MIF4GD: variants seen among roughly 807,000 people sequenced by gnomAD.
MIF4GD encodes MIF4G domain-containing protein.
Under a neutral mutation model 26.7 loss-of-function variants are expected in MIF4GD, and 22 were observed. The observed-to-expected ratio is 0.82, with a 90% CI of 0.59 to 1.18. MIF4GD has a LOEUF of 1.18. MIF4GD is among the 50% of genes most tolerant of loss of function. MIF4GD has a pLI of 0.00. For missense variants in MIF4GD, 262 were observed against 279.6 expected (o/e 0.94, Z 0.45); for synonymous variants, 137 against 111.6 (o/e 1.23, Z -1.43).
chr17:75,268,874 G>A (rs776762840), intron 2 of MIF4GD, among the ~76,000 whole-genome samples: 50 of 147,832 alleles, frequency 3.4e-4, no homozygotes, highest in Middle Eastern at 3.8e-3. Context: ...CACGGTGGCG[G>A]GCCCCTGTAA....
In MIF4GD at chr17:75,266,957, A is replaced by G; in HGVS notation, c.452T>C (p.Leu151Ser). 1 of 1,613,694 alleles carries G rather than the reference A, an allele frequency of 6.2e-7. No individual in the cohort carries two copies. Among genetic ancestry groups the G allele is most frequent in the Non-Finnish European group, 8.5e-7 (1 of 1,179,874 alleles). The change falls in exon 6 of 6, where the codon TTG becomes TCG. Residue 151 changes from leucine to serine, a missense_variant. Leu to Ser is a moderately radical substitution (Grantham distance 145). Transcript: ENST00000325102. ...SLSKEEEVDC[L>S]VLQLHRVGEQ... Reference sequence around the variant, plus strand: ...CCCAACCCGGTGCAGCTGCAGCACCAAACAGTCCACCTGCAGGCGACAGTG... The same window carrying G: ...CCCAACCCGGTGCAGCTGCAGCACCGAACAGTCCACCTGCAGGCGACAGTG...
intron 2 of MIF4GD, chr17:75,269,249 C>T: frequency 1.4e-6 from 2 of 1,397,122 alleles, no homozygotes; most frequent in Non-Finnish European, 9.9e-7. Flanking sequence ...TTATACTACA[C>T]ACATGCAAAC....
At position 75,268,157 on chromosome 17, in the gene MIF4GD, C is replaced by T. The variant is rs1322178111; in HGVS notation, c.118G>A (p.Val40Met). Residue 40 changes from valine to methionine, a missense_variant, in exon 3 of 6, where the codon GTG (valine) becomes ATG (methionine). Val to Met is a conservative substitution (Grantham distance 21). Transcript: ENST00000325102. ...GAVDLEKVAN[V>M]IVDHSLQDCV... ...TCCTGCAGAGAATGGTCCACAATCA[C>T]ATTGGCCACTTTCTCCAAGTCCACA... The T allele has an allele frequency of 6.2e-7, 1 of 1,614,132 alleles. No homozygotes were observed. Among genetic ancestry groups the T allele is most frequent in the African/African-American group, 1.3e-5 (1 of 74,944 alleles).
At chr17:75,267,088 C>A in intron 5 of MIF4GD, 121 bp from the exon 6 acceptor site, 1 of 795,554 alleles carries the variant, frequency 1.3e-6, no homozygotes, top group South Asian at 1.6e-5. Flanking sequence ...TCCCTCCTTA[C>A]CATCCAGTGG....
intron 2 of MIF4GD, among the ~76,000 whole-genome samples, chr17:75,269,858 C>T (rs1420533780): frequency 6.6e-6 from 1 of 150,820 alleles, no homozygotes; most frequent in Admixed American, 6.6e-5. Flanking sequence ...GAACTACAGA[C>T]ATGAGCCACT....
Position 75,270,006 on chromosome 17 carries a change from G to T in MIF4GD, c.82+108C>A. 2 of 883,858 alleles carry T rather than the reference G, an allele frequency of 2.3e-6. No homozygotes were observed. Among genetic ancestry groups the T allele is most frequent in the Middle Eastern group, 2.3e-4 (1 of 4,344 alleles). The allele number at this position is 883,858 out of a possible 1,614,324, so 54.8% of individuals were successfully genotyped here. On this transcript the variant is annotated intron_variant, in intron 2 of 5. Transcript: ENST00000325102. The surrounding 1 kb of genome is among the most constrained non-coding windows in gnomAD (Gnocchi z 5.7). Reference sequence around the variant, plus strand: ...TACGTTGCCGACTCCTATCGTCAGAGAATGAGGGGAGGGGTGGAGGCATTC... The same window carrying T: ...TACGTTGCCGACTCCTATCGTCAGATAATGAGGGGAGGGGTGGAGGCATTC...
intron 2 of MIF4GD, 37 bp from the exon 3 acceptor site, chr17:75,268,229 G>T: frequency 6.6e-7 from 1 of 1,504,818 alleles, no homozygotes; most frequent in Non-Finnish European, 9.3e-7. Context: ...TAGAGCTGCT[G>T]CTTTATCACA....
Position 75,266,428 on chromosome 17 carries a change from A to G in MIF4GD, c.*312T>C, listed in dbSNP as rs1367436892. ...ATCCCAAAATATCCCACCAGTGGCT[A>G]TGCTTACCCATTTTACAGATGGGTA... On this transcript the variant is annotated 3_prime_UTR_variant, in exon 6 of 6. Transcript: ENST00000325102. 9.0e-6 allele frequency: 4 copies of G among 446,006 alleles called. No homozygotes were observed. Among genetic ancestry groups the G allele is most frequent in the African/African-American group, 4.0e-5 (2 of 50,544 alleles). The allele number at this position is 446,006 out of a possible 1,614,324, so 27.6% of individuals were successfully genotyped here.
chr17:75,269,971 G>T (rs1309008916), intron 2 of MIF4GD, 143 bp downstream of exon 2: 4 of 710,088 alleles, frequency 5.6e-6, no homozygotes, highest in Non-Finnish European at 9.9e-6. Context: ...TTGTCTTCCA[G>T]TTCAAGAATT....
In MIF4GD at chr17:75,267,751, G is replaced by T; in HGVS notation, c.343C>A (p.Leu115Met). 3 of 1,613,318 alleles carry T rather than the reference G, an allele frequency of 1.9e-6. No homozygotes were observed. Among genetic ancestry groups the T allele is most frequent in the Non-Finnish European group, 2.5e-6 (3 of 1,179,520 alleles). ...VTFICNIFDYLRVNNMPMMAL... is the reference protein window; with the variant it reads ...VTFICNIFDYMRVNNMPMMAL... ...GGTGGCTGCCGGGGCCTCACCCTCA[G>T]GTAGTCAAAGATGTTGCAGATAAAG... The change falls in exon 4 of 6, where the codon CTG (leucine) becomes ATG (methionine). Residue 115 changes from leucine (L) to methionine (M), a missense_variant. Transcript: ENST00000325102.
In MIF4GD at chr17:75,267,116, A is replaced by C; in HGVS notation, c.442-149T>G. ...TCCAGTGGGTACTTCCACATCTTACACAGAAAGAAATGAGTTCCGGGACTT... is the reference window on the plus strand; with the variant it reads ...TCCAGTGGGTACTTCCACATCTTACCCAGAAAGAAATGAGTTCCGGGACTT... On this transcript the variant is annotated intron_variant, in intron 5 of 5. Transcript: ENST00000325102. 3 of 699,418 alleles carry C rather than the reference A, an allele frequency of 4.3e-6. No homozygotes were observed. In the South Asian group the frequency reaches 5.1e-5, roughly 12 times the overall value. 43.3% of individuals were successfully genotyped at this position (699,418 alleles called of 1,614,324 possible). A position where few individuals can be genotyped will look rare whatever the true frequency, so the allele number is the denominator to read the frequency against.
intron 2 of MIF4GD, 115 bp downstream of exon 2, chr17:75,269,999 C>A (rs2145698764): frequency 1.2e-6 from 1 of 839,550 alleles, no homozygotes; most frequent in Non-Finnish European, 2.0e-6. Context: ...CGACTCCTAT[C>A]GTCAGAGAAT....
chr17:75,267,506 T>C, intron 5 of MIF4GD, 32 bp downstream of exon 5: 1 of 1,608,906 alleles, frequency 6.2e-7, no homozygotes, highest in Non-Finnish European at 8.5e-7. Context: ...CCTGCAGCCT[T>C]CTGTGCTTGT....
chr17:75,267,305 T>A, intron 5 of MIF4GD: 1 of 605,264 alleles, frequency 1.7e-6, no homozygotes, highest in Non-Finnish European at 2.9e-6. Flanking sequence ...ATACGTTGGC[T>A]TTCTGACTGA....
chr17:75,266,559 G>C lies in MIF4GD; in HGVS notation c.*181C>G. ...GTGGTGGGTTGTGGTGGGGAAAGGG[G>C]CTCAGGGCAGGACCACGGCATAAGT... is the stretch of plus-strand genomic sequence containing the variant. On this transcript the variant is annotated 3_prime_UTR_variant, in exon 6 of 6. Coordinates refer to ENST00000325102, the MANE Select transcript of MIF4GD (RefSeq NM_001370592.1). The C allele has an allele frequency of 1.5e-6, 1 of 645,170 alleles. No individual in the cohort carries two copies. Among genetic ancestry groups the C allele is most frequent in the African/African-American group, 1.8e-5 (1 of 54,966 alleles). 40.0% of individuals were successfully genotyped at this position (645,170 alleles called of 1,614,324 possible). A position where few individuals can be genotyped will look rare whatever the true frequency, so the allele number is the denominator to read the frequency against.
rs1196433800 is a variant in MIF4GD at position 75,270,292 on chromosome 17, G to A, written c.-50-47C>T. The A allele has an allele frequency of 1.8e-6, 2 of 1,115,224 alleles. No individual in the cohort carries two copies. Among genetic ancestry groups the A allele is most frequent in the Non-Finnish European group, 2.7e-6 (2 of 737,290 alleles). The allele number at this position is 1,115,224 out of a possible 1,614,324, so 69.1% of individuals were successfully genotyped here. ...AGCGGCCTCAGGTGTGGAGCGCAGG[G>A]CGGGTTCCGTCCTGCAGGCCCTGGA... On this transcript the variant is annotated intron_variant, in intron 1 of 5. Coordinates refer to ENST00000325102, the MANE Select transcript of MIF4GD (RefSeq NM_001370592.1). The surrounding 1 kb of genome is among the most constrained non-coding windows in gnomAD (Gnocchi z 5.7).
intron 5 of MIF4GD, 45 bp from the exon 6 acceptor site, chr17:75,267,012 C>T: frequency 6.5e-7 from 1 of 1,538,514 alleles, no homozygotes; most frequent in Non-Finnish European, 8.9e-7. Flanking sequence ...GGGGCAGTGC[C>T]AGCCTCTCAC....
Position 75,271,153 on chromosome 17 carries a change from C to G in MIF4GD, c.-60G>C, listed in dbSNP as rs1047804928. On this transcript the variant is annotated 5_prime_UTR_variant, in exon 1 of 6. Transcript: ENST00000325102. The surrounding 1 kb of genome is among the most constrained non-coding windows in gnomAD (Gnocchi z 4.2). ...GGGAGCCGGGACCCACCTGCCGGGC[C>G]GGTGGCGCGCGCGCGTGCCCGGGGC... 6.7e-6 allele frequency: 1 copy of G among 148,826 alleles called. No individual in the cohort carries two copies. The allele number at this position is 148,826 out of a possible 1,614,324, so 9.2% of individuals were successfully genotyped here. A position where few individuals can be genotyped will look rare whatever the true frequency, so the allele number is the denominator to read the frequency against.
rs151337678 is a variant in MIF4GD, at chr17:75,269,875, AG to A, written c.82+238del. 4.8e-3 allele frequency among the ~76,000 whole-genome samples: 725 copies of A among 151,694 alleles called. 8 individuals carry two copies. Among genetic ancestry groups the A allele is most frequent in the African/African-American group, 0.016 (671 of 41,314 alleles). On this transcript the variant is annotated intron_variant, in intron 2 of 5. Transcript: ENST00000325102. ...ACTACAGACATGAGCCACTGCGCCT[AG>A]CCCTATGGTTAAACTTTTAAAACAG...
Sources: allele counts gnomAD v4.1 joint callset (sites outside exome capture counted in the v4.1 genomes callset), GRCh38; gene constraint gnomAD v4.1.1; non-coding constraint Gnocchi (gnomAD v3.1); transcripts MANE v1.5; gene names NCBI Gene and HGNC (gene_info 2026-07-23, HGNC 2026-07-21).